Variants in PGGT1B observed in about 807,000 individuals in gnomAD.
PGGT1B encodes protein geranylgeranyltransferase type I subunit beta.
In PGGT1B, 30 loss-of-function variants were observed where a neutral mutation model predicts 46.1. That is an observed-to-expected ratio of 0.65 (90% CI 0.49 to 0.88). The LOEUF is 0.88. PGGT1B is among the 40% of genes least tolerant of loss of function. PGGT1B has a pLI of 0.00. For synonymous variants in PGGT1B, 170 were observed against 160.0 expected (o/e 1.06, Z -0.47); for missense variants, 376 against 455.9 (o/e 0.82, Z 1.60).
chr5:115,213,679 G>C (rs1016936853), intron 8 of PGGT1B, among the ~76,000 whole-genome samples: 3 of 152,154 alleles, frequency 2.0e-5, no homozygotes, highest in Admixed American at 1.3e-4. Context: ...GCTGAGGTGG[G>C]AGGCTCACCT....
chr5:115,224,355 T>C (rs1192586101), intron 6 of PGGT1B, among the ~76,000 whole-genome samples: 1 of 152,226 alleles, frequency 6.6e-6, no homozygotes, highest in African/African-American at 2.4e-5. Flanking sequence ...GATTACTTAA[T>C]GCAAACTGGC....
In PGGT1B at chr5:115,223,328, G is replaced by C. The variant is rs115287610; in HGVS notation, c.659-1320C>G. Reference sequence around the variant, plus strand: ...ACGGAGAAAGAGGCTTTGCAAATGTGATTAAGTTAAACGATCTTGAAATGG... The same window carrying C: ...ACGGAGAAAGAGGCTTTGCAAATGTCATTAAGTTAAACGATCTTGAAATGG... On this transcript the variant is annotated intron_variant, in intron 6 of 8. Coordinates refer to ENST00000419445, the MANE Select transcript of PGGT1B (RefSeq NM_005023.4). Among the ~76,000 whole-genome samples the C allele has an allele frequency of 6.3e-3, 965 of 152,162 alleles. 11 individuals carry two copies. The highest frequency in any genetic ancestry group is 0.022 in the African/African-American group (903 of 41,520).
intron 5 of PGGT1B, among the ~76,000 whole-genome samples, chr5:115,235,689 G>C (rs948691314): frequency 6.6e-6 from 1 of 151,906 alleles, no homozygotes; most frequent in Admixed American, 6.6e-5. Flanking sequence ...TCTTCTTTCT[G>C]TATCCAGAGG....
chr5:115,236,251 G>T, intron 5 of PGGT1B, 139 bp downstream of exon 5: 1 of 618,656 alleles, frequency 1.6e-6, no homozygotes, highest in South Asian at 2.4e-5. Context: ...ATTGTGTTCT[G>T]ATACACAATT....
intron 1 of PGGT1B, among the ~76,000 whole-genome samples, chr5:115,258,073 G>C (rs1408672009): frequency 1.3e-5 from 2 of 152,146 alleles, no homozygotes; most frequent in Non-Finnish European, 2.9e-5. Context: ...TATTTAACTT[G>C]TAAAATAGTT....
rs1383508282 is a variant in PGGT1B at position 115,207,904 on chromosome 5, A to G, written c.*4498T>C. The G allele has an allele frequency of 6.6e-6, 1 of 152,066 alleles. No homozygotes were observed. The highest frequency in any genetic ancestry group is 1.5e-5 in the Non-Finnish European group (1 of 67,958). 9.4% of individuals were successfully genotyped at this position (152,066 alleles called of 1,614,324 possible). ...GATGCTGGCTTTTAGGTAGAGGTAC[A>G]ATGTTAATAGATTATTCATCAATTT... On this transcript the variant is annotated 3_prime_UTR_variant, in exon 9 of 9. Coordinates refer to ENST00000419445, the MANE Select transcript of PGGT1B (RefSeq NM_005023.4).
At chr5:115,246,604 A>G (rs1463524622) in intron 2 of PGGT1B, among the ~76,000 whole-genome samples, 2 of 152,308 alleles carry the variant, frequency 1.3e-5, no homozygotes, top group Admixed American at 6.5e-5. Flanking sequence ...TAACAGTTGC[A>G]AAACAAACTG....
chr5:115,237,194 G>A (rs1376703237), intron 4 of PGGT1B, among the ~76,000 whole-genome samples: 1 of 152,112 alleles, frequency 6.6e-6, no homozygotes, highest in Non-Finnish European at 1.5e-5. Flanking sequence ...CCCTCATCAA[G>A]AGCAGTGTTT....
chr5:115,252,190 A>C (rs983713644), intron 2 of PGGT1B, among the ~76,000 whole-genome samples: 1 of 152,118 alleles, frequency 6.6e-6, no homozygotes, highest in African/African-American at 2.4e-5. Context: ...TTAGATATTT[A>C]TATATTTAAT....
chr5:115,215,372 CACTG>C (rs1385702883), intron 8 of PGGT1B, among the ~76,000 whole-genome samples: 3 of 152,064 alleles, frequency 2.0e-5, no homozygotes, highest in Non-Finnish European at 4.4e-5. Context: ...GACCTTGGCT[CACTG>C]CAACCTCTGC....
At chr5:115,214,382 C>T (rs1367856186) in intron 8 of PGGT1B, among the ~76,000 whole-genome samples, 1 of 152,090 alleles carries the variant, frequency 6.6e-6, no homozygotes, top group Non-Finnish European at 1.5e-5. Flanking sequence ...TAATAAAGCA[C>T]TTTAGATGTT....
rs1198240088 is a variant in PGGT1B, at chr5:115,210,245, G to A, written c.*2157C>T. On this transcript the variant is annotated 3_prime_UTR_variant, in exon 9 of 9. Coordinates refer to ENST00000419445, the MANE Select transcript of PGGT1B (RefSeq NM_005023.4). ...CGGGAAGGAGACAAGTATAGAGTAG[G>A]TAACAGAGCTTTTTGAGATTTCGGA... 1 of 152,060 alleles carries A rather than the reference G, an allele frequency of 6.6e-6. No homozygotes were observed. The highest frequency in any genetic ancestry group is 1.5e-5 in the Non-Finnish European group (1 of 67,986). The allele number at this position is 152,060 out of a possible 1,614,324, so 9.4% of individuals were successfully genotyped here. A position where few individuals can be genotyped will look rare whatever the true frequency, so the allele number is the denominator to read the frequency against.
At chr5:115,227,193 C>CACTT (rs752562138) in intron 6 of PGGT1B, among the ~76,000 whole-genome samples, 25 of 152,252 alleles carry the variant, frequency 1.6e-4, no homozygotes, top group Non-Finnish European at 2.9e-4. Context: ...TGGGTTATGA[C>CACTT]ACTTAACCTG....
chr5:115,247,486 C>G (rs570642457), intron 2 of PGGT1B, among the ~76,000 whole-genome samples: 38 of 152,182 alleles, frequency 2.5e-4, no homozygotes, highest in African/African-American at 8.2e-4. Flanking sequence ...TTGCCCTAAG[C>G]AAACAGAATT....
intron 7 of PGGT1B, among the ~76,000 whole-genome samples, chr5:115,218,717 G>C (rs1294597832): frequency 6.6e-6 from 1 of 151,594 alleles, no homozygotes; most frequent in Non-Finnish European, 1.5e-5. Flanking sequence ...CCACTGTTTT[G>C]TAACCTCTTA....
rs1756141314 is a variant in PGGT1B, at chr5:115,208,963, T to C, written c.*3439A>G. ...GATCTATTTATTCTCTTATTTCTTA[T>C]ACTAACTTTGACTGGAGTTGGACTG... On this transcript the variant is annotated 3_prime_UTR_variant, in exon 9 of 9. Transcript: ENST00000419445. The C allele has an allele frequency of 6.6e-6, 1 of 152,062 alleles. No homozygotes were observed. The highest frequency in any genetic ancestry group is 2.4e-5 in the African/African-American group (1 of 41,430). 9.4% of individuals were successfully genotyped at this position (152,062 alleles called of 1,614,324 possible).
chr5:115,249,625 G>A (rs1373379289), intron 2 of PGGT1B, among the ~76,000 whole-genome samples: 1 of 152,150 alleles, frequency 6.6e-6, no homozygotes, highest in Non-Finnish European at 1.5e-5. Context: ...ATGAGTCAGG[G>A]TGGAGCAGGT....
At position 115,236,384 on chromosome 5, in the gene PGGT1B, A is replaced by T. The variant is rs752676461; in HGVS notation, c.612+6T>A. 1 of 1,589,832 alleles carries T rather than the reference A, an allele frequency of 6.3e-7. No individual in the cohort carries two copies. The highest frequency in any genetic ancestry group is 8.5e-7 in the Non-Finnish European group (1 of 1,170,644). On this transcript the variant is annotated splice_donor_region_variant and intron_variant, in intron 5 of 8. Coordinates refer to ENST00000419445, the MANE Select transcript of PGGT1B (RefSeq NM_005023.4). ...CTAAATAGTCAATTTTATCAACAGA[A>T]CTCACCATACTCCTTCTAATATAGG...
rs1756072565 is a variant in PGGT1B, at chr5:115,206,645, C to A, written c.*5757G>T. ...TTAACAGTTGCATAGTATTGAGTTA[C>A]ATAAATGTATCATAATGTGTCTTAT... On this transcript the variant is annotated 3_prime_UTR_variant, in exon 9 of 9. Coordinates refer to ENST00000419445, the MANE Select transcript of PGGT1B (RefSeq NM_005023.4). 1 of 151,938 alleles carries A rather than the reference C, an allele frequency of 6.6e-6. No individual in the cohort carries two copies. The highest frequency in any genetic ancestry group is 1.5e-5 in the Non-Finnish European group (1 of 67,900). The allele number at this position is 151,938 out of a possible 1,614,324, so 9.4% of individuals were successfully genotyped here.
Sources: allele counts gnomAD v4.1 joint callset (sites outside exome capture counted in the v4.1 genomes callset), GRCh38; gene constraint gnomAD v4.1.1; transcripts MANE v1.5; gene names NCBI Gene and HGNC (gene_info 2026-07-23, HGNC 2026-07-21).